Variants in ACYP2 observed in about 807,000 individuals in gnomAD.
The protein encoded by ACYP2 is acylphosphatase-2.
In ACYP2, 12 loss-of-function variants were observed where a neutral mutation model predicts 11.2. The ratio of observed to expected loss-of-function variants is 1.08; its 90% CI spans 0.69 to 1.74. The LOEUF is 1.74. Among genes scored for constraint, ACYP2 ranks in the 40% most tolerant of loss-of-function variants. The pLI, the probability that ACYP2 is intolerant of heterozygous loss-of-function variation, is 0.00. For synonymous variants in ACYP2, 43 were observed against 32.2 expected, an observed-to-expected ratio of 1.33 and a Z score of -1.13; for missense variants, 134 against 101.9, an observed-to-expected ratio of 1.31 and a Z score of -1.35.
intron 6 of ACYP2, among the ~76,000 whole-genome samples, chr2:54,201,636 CTCTT>C (rs1553391343): frequency 0.018 from 1,659 of 93,648 alleles, 23 homozygotes; most frequent in Middle Eastern, 0.048. Context: ...TTCTTTCTTT[CTCTT>C]TCTTTCTTTC....
intron 4 of ACYP2, among the ~76,000 whole-genome samples, chr2:54,068,787 G>T (rs1182579674): frequency 6.6e-6 from 1 of 152,056 alleles, no homozygotes; most frequent in African/African-American, 2.4e-5. Flanking sequence ...TTGAGAAGGA[G>T]GCTGCATTCT....
intron 6 of ACYP2, among the ~76,000 whole-genome samples, chr2:54,196,581 G>C (rs895432113): frequency 6.6e-6 from 1 of 152,172 alleles, no homozygotes; most frequent in African/African-American, 2.4e-5. Context: ...TCAGGATACT[G>C]TGCTAGATAG....
chr2:54,038,673 C>CTATATATATATATATA (rs56817782), intron 2 of ACYP2, among the ~76,000 whole-genome samples: 2 of 106,100 alleles, frequency 1.9e-5, no homozygotes, highest in Non-Finnish European at 1.9e-5. Flanking sequence ...TTATTGAATA[C>CTATATATATATATATA]TATATATATA....
At chr2:54,124,865 A>T (rs1382573528) in intron 4 of ACYP2, among the ~76,000 whole-genome samples, 1 of 152,036 alleles carries the variant, frequency 6.6e-6, no homozygotes, top group East Asian at 1.9e-4. Flanking sequence ...ATCATGTGCT[A>T]TCTAAGACGC....
chr2:54,141,889 G>A, intron 6 of ACYP2: 2 of 640,716 alleles, frequency 3.1e-6, no homozygotes, highest in Non-Finnish European at 5.8e-6. Flanking sequence ...CTAGGCTGGA[G>A]TGCAGTGGTC....
chr2:54,140,030 G>T, intron 6 of ACYP2, among the ~76,000 whole-genome samples: 1 of 151,854 alleles, frequency 6.6e-6, no homozygotes, highest in South Asian at 2.1e-4. Flanking sequence ...AAATGTTTAC[G>T]TGCATACTTG....
intron 6 of ACYP2, among the ~76,000 whole-genome samples, chr2:54,202,311 G>A (rs1684872461): frequency 6.7e-6 from 1 of 150,166 alleles, no homozygotes; most frequent in African/African-American, 2.5e-5. Flanking sequence ...GTTTCACCAT[G>A]CTGGCCAGGC....
intron 6 of ACYP2, among the ~76,000 whole-genome samples, chr2:54,260,920 G>A (rs947228594): frequency 6.6e-6 from 1 of 152,108 alleles, no homozygotes; most frequent in African/African-American, 2.4e-5. Flanking sequence ...CATGACAGTA[G>A]CAACGTTTTA....
At position 54,195,638 on chromosome 2, in the gene ACYP2, CAA is replaced by C. The variant is rs776374582; in HGVS notation, c.404+56902_404+56903del. ...TGCAAGAATGAAGACTGGCCAAAGG[CAA>C]AAAAAAAAAAACAAAACACTGTACT... On this transcript the variant is annotated intron_variant, in intron 6 of 6. Transcript: ENST00000607452. Among the ~76,000 whole-genome samples, 30 of 82,970 alleles carry C rather than the reference CAA, an allele frequency of 3.6e-4. 1 individual carries two copies. In the East Asian group the frequency reaches 4.7e-3, roughly 13 times the overall value. 54.4% of individuals were successfully genotyped at this position (82,970 alleles called of 152,430 possible).
At chr2:53,976,651 G>A (rs554104879) in intron 2 of ACYP2, among the ~76,000 whole-genome samples, 1 of 152,146 alleles carries the variant, frequency 6.6e-6, no homozygotes, top group Non-Finnish European at 1.5e-5. Context: ...AAGAATATTA[G>A]ATCTGAGAAA....
chr2:54,079,166 C>G (rs1677510492), intron 4 of ACYP2, among the ~76,000 whole-genome samples: 1 of 152,172 alleles, frequency 6.6e-6, no homozygotes, highest in African/African-American at 2.4e-5. Context: ...ATGACTGACA[C>G]TTGATGTAGA....
At chr2:54,145,598 CA>C (rs1681844301) in intron 6 of ACYP2, among the ~76,000 whole-genome samples, 1 of 152,062 alleles carries the variant, frequency 6.6e-6, no homozygotes, top group African/African-American at 2.4e-5. Flanking sequence ...ATTCTTGTTT[CA>C]TATATTCCTC....
intron 6 of ACYP2, among the ~76,000 whole-genome samples, chr2:54,193,850 A>C (rs182230299): frequency 6.6e-6 from 1 of 152,216 alleles, no homozygotes; most frequent in Admixed American, 6.5e-5. Flanking sequence ...AGTAATTGGC[A>C]TAATGAGTTG....
At chr2:54,136,625 G>A (rs1162540544) in intron 5 of ACYP2, among the ~76,000 whole-genome samples, 1 of 152,212 alleles carries the variant, frequency 6.6e-6, no homozygotes, top group Non-Finnish European at 1.5e-5. Context: ...AGCTGGGGAT[G>A]TGGAGTGTAG....
chr2:53,982,191 G>A (rs1288050208), intron 2 of ACYP2, among the ~76,000 whole-genome samples: 1 of 152,098 alleles, frequency 6.6e-6, no homozygotes, highest in Non-Finnish European at 1.5e-5. Flanking sequence ...TTTGCTCACA[G>A]GCAGACAATG....
At chr2:54,222,078 G>A (rs541676722) in intron 6 of ACYP2, among the ~76,000 whole-genome samples, 21 of 152,230 alleles carry the variant, frequency 1.4e-4, no homozygotes, top group African/African-American at 4.8e-4. Context: ...TGCAAAGTAT[G>A]TATTACCCTA....
intron 4 of ACYP2, among the ~76,000 whole-genome samples, chr2:54,133,461 A>G (rs1412184838): frequency 6.6e-6 from 1 of 152,176 alleles, no homozygotes; most frequent in African/African-American, 2.4e-5. Flanking sequence ...ACGAAAAAGT[A>G]AATTTCCAAA....
At chr2:54,123,255 A>G (rs1387530701) in intron 4 of ACYP2, 1 of 398,078 alleles carries the variant, frequency 2.5e-6, no homozygotes, top group Non-Finnish European at 4.4e-6. Flanking sequence ...GAAATAAGTT[A>G]TAAAATCTAG....
intron 2 of ACYP2, chr2:53,973,865 G>T: frequency 1.0e-5 from 1 of 96,210 alleles, no homozygotes; most frequent in South Asian, 3.1e-4. Context: ...ATGTGTGTGT[G>T]TGTGTGTGTG....
Sources: allele counts gnomAD v4.1 joint callset (sites outside exome capture counted in the v4.1 genomes callset), GRCh38; gene constraint gnomAD v4.1.1; transcripts MANE v1.5; gene names NCBI Gene and HGNC (gene_info 2026-07-23, HGNC 2026-07-21).